CEP68: variants seen among roughly 807,000 people sequenced by gnomAD.
The protein encoded by CEP68 is centrosomal protein of 68 kDa.
Under a neutral mutation model 55.3 loss-of-function variants are expected in CEP68, and 26 were observed. The ratio of observed to expected loss-of-function variants is 0.47; its 90% CI spans 0.34 to 0.65. The LOEUF (loss-of-function observed/expected upper bound fraction) is 0.65. CEP68 is among the 30% of genes least tolerant of loss of function. The pLI, the probability that CEP68 is intolerant of heterozygous loss-of-function variation, is 0.01. For missense variants in CEP68, 957 were observed against 946.7 expected (o/e 1.01, Z -0.14); for synonymous variants, 402 against 383.2 (o/e 1.05, Z -0.57).
rs746249029 is a variant in CEP68 at position 65,059,303 on chromosome 2, A to T, written c.-47+2775A>T. 4.5e-4 allele frequency among the ~76,000 whole-genome samples: 69 copies of T among 152,186 alleles called. 2 individuals carry two copies. Among genetic ancestry groups the T allele is most frequent in the Admixed American group, 3.3e-4 (5 of 15,278 alleles). ...TCCTGCACCACTTTCTGGTTACAGG[A>T]AACAGGTTAAGTTGCACATTTCCTT... On this transcript the variant is annotated intron_variant, in intron 1 of 6. Coordinates refer to ENST00000377990, the MANE Select transcript of CEP68 (RefSeq NM_015147.3).
rs1225248356 is a variant in CEP68 at position 65,084,011 on chromosome 2, A to AT, written c.*379dup. The AT allele has an allele frequency of 6.6e-6, 1 of 152,204 alleles. No homozygotes were observed. 9.4% of individuals were successfully genotyped at this position (152,204 alleles called of 1,614,324 possible). ...TGGTAGGAGATTCCGAATACTCAAT[A>AT]TTCTCAGGCATGCAAGAGGACCTAA... On this transcript the variant is annotated 3_prime_UTR_variant, in exon 7 of 7. Transcript: ENST00000377990.
In CEP68 at chr2:65,082,532, T is replaced by C; in HGVS notation, c.2105-4T>C. ...GGTTTAATTTCTTTGAACCTCATTG[T>C]TAGTTTTAGAGGATGTCCTTGGGAG... On this transcript the variant is annotated splice_region_variant and splice_polypyrimidine_tract_variant and intron_variant, in intron 5 of 6. Transcript: ENST00000377990. 1 of 1,529,576 alleles carries C rather than the reference T, an allele frequency of 6.5e-7. No individual in the cohort carries two copies. Among genetic ancestry groups the C allele is most frequent in the Non-Finnish European group, 8.7e-7 (1 of 1,143,098 alleles). 94.8% of individuals were successfully genotyped at this position (1,529,576 alleles called of 1,614,324 possible).
At position 65,065,982 on chromosome 2, in the gene CEP68, A is replaced by G. The variant is rs1172241620; in HGVS notation, c.-46-3417A>G. The stretch of plus-strand genomic sequence containing the variant: ...AAAAAAAAAAAAAAAACACAAGATT[A>G]TGATTTACCTGCTTACTCAAATGGG... On this transcript the variant is annotated intron_variant, in intron 1 of 6. Transcript: ENST00000377990. Among the ~76,000 whole-genome samples, 2 of 151,512 alleles carry G rather than the reference A, an allele frequency of 1.3e-5. 1 individual carries two copies. The highest frequency in any genetic ancestry group is 4.9e-5 in the African/African-American group (2 of 41,154).
In CEP68 at chr2:65,071,440, T is replaced by A. The variant is rs1215523841; in HGVS notation, c.358-14T>A. 1 of 1,607,512 alleles carries A rather than the reference T, an allele frequency of 6.2e-7. No individual in the cohort carries two copies. The highest frequency in any genetic ancestry group is 2.2e-5 in the East Asian group (1 of 44,776). ...TTTTTACCCAAGTGCTTTTTGTCCCTTTGATCATTGCAGGTGGAGAAGACC... is the reference window on the plus strand; with the variant it reads ...TTTTTACCCAAGTGCTTTTTGTCCCATTGATCATTGCAGGTGGAGAAGACC... On this transcript the variant is annotated splice_polypyrimidine_tract_variant and intron_variant, in intron 2 of 6. Coordinates refer to ENST00000377990, the MANE Select transcript of CEP68 (RefSeq NM_015147.3).
intron 1 of CEP68, among the ~76,000 whole-genome samples, chr2:65,063,154 T>A (rs1177448341): frequency 6.6e-6 from 1 of 152,202 alleles, no homozygotes; most frequent in African/African-American, 2.4e-5. Flanking sequence ...CCTACATCAC[T>A]CCTAATTATA....
In CEP68 at chr2:65,072,266, C is replaced by T. The variant is rs764380684; in HGVS notation, c.1170C>T (p.Gly390=). ...SRVPQKQGGM[G]LASWSQLAST... The stretch of plus-strand genomic sequence containing the variant: ...TACCCCAGAAACAGGGTGGCATGGG[C>T]TTGGCATCTTGGAGCCAACTTGCAT... Residue 390 remains glycine (G), a synonymous_variant, in exon 3 of 7, where the codon GGC becomes GGT. Transcript: ENST00000377990. 3.1e-6 allele frequency: 5 copies of T among 1,614,096 alleles called. No individual in the cohort carries two copies. The highest frequency in any genetic ancestry group is 4.2e-6 in the Non-Finnish European group (5 of 1,180,002).
chr2:65,067,046 G>C (rs1018645094), intron 1 of CEP68, among the ~76,000 whole-genome samples: 1 of 151,344 alleles, frequency 6.6e-6, no homozygotes, highest in South Asian at 2.1e-4. Flanking sequence ...GTTCTGAATA[G>C]TATGACCTAT....
intron 4 of CEP68, chr2:65,075,284 G>A (rs1335974830): frequency 3.3e-5 from 5 of 150,470 alleles, no homozygotes; most frequent in African/African-American, 1.2e-4. Context: ...TAAAAAATTA[G>A]CTGAGTGTGG....
chr2:65,065,704 C>T (rs1676129672), intron 1 of CEP68, among the ~76,000 whole-genome samples: 1 of 152,120 alleles, frequency 6.6e-6, no homozygotes, highest in African/African-American at 2.4e-5. Context: ...CGTGGTGGCT[C>T]ATGCCTGTAA....
rs140989801 is a variant in CEP68 at position 65,072,092 on chromosome 2, C to T, written c.996C>T (p.Ser332=). ...RVPADPVLQD[S]GVDLDSFSVS... The stretch of plus-strand genomic sequence containing the variant: ...CAGCTGACCCTGTCCTGCAGGACTC[C>T]GGGGTAGACCTGGATAGCTTCTCTG... Residue 332 remains serine, a synonymous_variant, in exon 3 of 7, where the codon TCC becomes TCT. Transcript: ENST00000377990. 671 of 1,614,050 alleles carry T rather than the reference C, an allele frequency of 4.2e-4. 4 individuals are homozygous for T. Among genetic ancestry groups the T allele is most frequent in the Middle Eastern group, 3.8e-3 (23 of 6,062 alleles).
chr2:65,066,651 C>T (rs1181311638), intron 1 of CEP68, among the ~76,000 whole-genome samples: 1 of 143,776 alleles, frequency 7.0e-6, no homozygotes, highest in African/African-American at 2.6e-5. Flanking sequence ...TGCTTGAACC[C>T]AGGAGGCAGA....
At chr2:65,060,639 T>G (rs193212782) in intron 1 of CEP68, among the ~76,000 whole-genome samples, 8 of 152,364 alleles carry the variant, frequency 5.3e-5, no homozygotes, top group Admixed American at 5.2e-4. Flanking sequence ...TGCACCCATG[T>G]GGTCCAGGTA....
At position 65,072,967 on chromosome 2, in the gene CEP68, TGC is replaced by T; in HGVS notation, c.1872_1873del (p.Gln625MetfsTer18). Reference sequence around the variant, plus strand: ...GGAGAACAGGGAAAAGAATCACTGGTGCAATGTGTGAAGGTAATGACACTCAA... The same window carrying T: ...GGAGAACAGGGAAAAGAATCACTGGTAATGTGTGAAGGTAATGACACTCAA... On this transcript the variant is annotated frameshift_variant, in exon 3 of 7. Transcript: ENST00000377990. LOFTEE classifies it high-confidence loss of function. The T allele has an allele frequency of 6.2e-7, 1 of 1,614,172 alleles. No individual in the cohort carries two copies. The highest frequency in any genetic ancestry group is 8.5e-7 in the Non-Finnish European group (1 of 1,180,032).
chr2:65,065,102 G>A (rs1676101237), intron 1 of CEP68, among the ~76,000 whole-genome samples: 1 of 152,234 alleles, frequency 6.6e-6, no homozygotes, highest in African/African-American at 2.4e-5. Context: ...TTCCCCATCT[G>A]TGACGTGAGG....
Position 65,072,331 on chromosome 2 carries a change from A to G in CEP68, c.1235A>G (p.Glu412Gly). Residue 412 changes from glutamate to glycine, a missense_variant, in exon 3 of 7, where the codon GAG (glutamate) becomes GGG (glycine). Glu to Gly is a moderately conservative substitution (Grantham distance 98). Transcript: ENST00000377990. ...CCAGGCAGTAGGGATGCTCGTTGGG[A>G]GCGCAGAGAGCCAGCCCTGAGGGGT... Reference protein sequence around the residue: ...RAPGSRDARWERREPALRGAK... With the variant: ...RAPGSRDARWGRREPALRGAK... 1 of 1,613,892 alleles carries G rather than the reference A, an allele frequency of 6.2e-7. No homozygotes were observed. The highest frequency in any genetic ancestry group is 1.3e-5 in the African/African-American group (1 of 74,972).
At position 65,073,167 on chromosome 2, in the gene CEP68, TTGG is replaced by T; in HGVS notation, c.1884+188_1884+190del. ...GTAAGCACTGTTCTCATTTTACTTTTTGGAGGAAAGAGCAGAGAGAGGTTAGGT... is the reference window on the plus strand; with the variant it reads ...GTAAGCACTGTTCTCATTTTACTTTTAGGAAAGAGCAGAGAGAGGTTAGGT... On this transcript the variant is annotated intron_variant, in intron 3 of 6. Coordinates refer to ENST00000377990, the MANE Select transcript of CEP68 (RefSeq NM_015147.3). 4.0e-6 allele frequency: 3 copies of T among 749,246 alleles called. No homozygotes were observed. The Admixed American group carries it at 6.3e-5, about 16-fold the overall frequency. 46.4% of individuals were successfully genotyped at this position (749,246 alleles called of 1,614,324 possible).
chr2:65,071,585 A>G lies in CEP68; in HGVS notation c.489A>G (p.Ala163=), dbSNP rs1295758292. The change falls in exon 3 of 7, where the codon GCA becomes GCG. Residue 163 remains alanine, a synonymous_variant. Transcript: ENST00000377990. The stretch of plus-strand genomic sequence containing the variant: ...CATCCCTAGCAGATTTGCCCCAGGC[A>G]CTGGACCTCAGCCAGCAGCCTCACA... ...DDPSLADLPQ[A]LDLSQQPHSS... is the part of the protein sequence containing the mutation. The G allele has an allele frequency of 3.7e-6, 6 of 1,614,052 alleles. No homozygotes were observed. The highest frequency in any genetic ancestry group is 4.2e-6 in the Non-Finnish European group (5 of 1,180,028).
intron 4 of CEP68, among the ~76,000 whole-genome samples, chr2:65,076,705 G>T (rs548607957): frequency 1.3e-5 from 2 of 152,232 alleles, no homozygotes; most frequent in Admixed American, 1.3e-4. Flanking sequence ...ATAAGTATAG[G>T]TATCAGGGTA....
chr2:65,063,821 A>G (rs1676024460), intron 1 of CEP68, among the ~76,000 whole-genome samples: 1 of 152,218 alleles, frequency 6.6e-6, no homozygotes, highest in Non-Finnish European at 1.5e-5. Context: ...GTCTTCAGTC[A>G]TTACTTCAGG....
Sources: gnomAD v4.1 joint callset for allele counts (sites outside exome capture counted in the v4.1 genomes callset) on GRCh38, gnomAD v4.1.1 for gene constraint, MANE v1.5 for transcripts, NCBI Gene and HGNC (gene_info 2026-07-23, HGNC 2026-07-21) for gene names.